Variants in SOS2 observed in about 807,000 individuals in gnomAD.
SOS2 encodes the protein SOS Ras/Rho guanine nucleotide exchange factor 2, also known as son of sevenless homolog 2.
SOS2 carries 65 observed loss-of-function variants against 148.2 expected under a neutral mutation model. That is an observed-to-expected ratio of 0.44 (90% CI 0.36 to 0.54). The LOEUF is 0.54. Ranked by LOEUF, SOS2 falls within the 20% of genes least tolerant of loss-of-function variation. SOS2 has a pLI of 0.00. For missense variants in SOS2, 1,341 were observed against 1,590.2 expected, an observed-to-expected ratio of 0.84 and a Z score of 2.67; for synonymous variants, 539 against 537.1, an observed-to-expected ratio of 1.00 and a Z score of -0.05.
chr14:50,186,307 G>A (rs1324969123), intron 5 of SOS2, among the ~76,000 whole-genome samples: 1 of 152,064 alleles, frequency 6.6e-6, no homozygotes, highest in Non-Finnish European at 1.5e-5. Context: ...AGTGAAAAGA[G>A]ACCCATAAAA....
intron 1 of SOS2, among the ~76,000 whole-genome samples, chr14:50,219,260 G>A (rs905759158): frequency 2.0e-5 from 3 of 152,012 alleles, no homozygotes; most frequent in Admixed American, 6.6e-5. Flanking sequence ...GAATAGCCAA[G>A]ATCTGAAAAA....
intron 12 of SOS2, among the ~76,000 whole-genome samples, chr14:50,153,431 C>T (rs2139605483): frequency 6.6e-6 from 1 of 152,154 alleles, no homozygotes. Context: ...CTGTGCTTCC[C>T]ATTTATGTTA....
At chr14:50,204,640 C>T (rs374308321) in intron 1 of SOS2, among the ~76,000 whole-genome samples, 2 of 152,146 alleles carry the variant, frequency 1.3e-5, no homozygotes, top group East Asian at 3.8e-4. Context: ...AGCCATTGAA[C>T]CCTCTCTTCC....
intron 7 of SOS2, among the ~76,000 whole-genome samples, chr14:50,179,858 C>T (rs1303638628): frequency 6.6e-6 from 1 of 152,074 alleles, no homozygotes; most frequent in Non-Finnish European, 1.5e-5. Context: ...TATTTATCTC[C>T]TTTAAATTGT....
intron 14 of SOS2, among the ~76,000 whole-genome samples, chr14:50,146,931 G>A (rs745951526): frequency 3.9e-5 from 6 of 152,052 alleles, no homozygotes; most frequent in Admixed American, 2.0e-4. Flanking sequence ...GCAGTGGTGC[G>A]CACCTATAAT....
intron 8 of SOS2, among the ~76,000 whole-genome samples, chr14:50,164,792 C>G (rs952812767): frequency 6.6e-5 from 10 of 152,184 alleles, no homozygotes; most frequent in Non-Finnish European, 1.3e-4. Context: ...GAAATGCTTC[C>G]TCTTGAAGAT....
chr14:50,156,862 T>TA (rs1477291521), intron 12 of SOS2, 137 bp downstream of exon 12: 2 of 453,078 alleles, frequency 4.4e-6, no homozygotes, highest in Non-Finnish European at 7.5e-6. Context: ...GCTGTGAAGT[T>TA]AAAAATATTC....
At chr14:50,211,756 C>A (rs1050870378) in intron 1 of SOS2, among the ~76,000 whole-genome samples, 2 of 152,030 alleles carry the variant, frequency 1.3e-5, no homozygotes, top group Non-Finnish European at 2.9e-5. Flanking sequence ...CCATGCCCAG[C>A]CTAGGAGGGA....
chr14:50,209,202 T>C (rs1431215653), intron 1 of SOS2, among the ~76,000 whole-genome samples: 1 of 151,908 alleles, frequency 6.6e-6, no homozygotes, highest in Non-Finnish European at 1.5e-5. Context: ...CTTTTCTGGG[T>C]CTGCAGCTTG....
chr14:50,134,678 C>CTAATTAATTAGAGATAAATTAGATTAA (rs1884015257), intron 18 of SOS2, among the ~76,000 whole-genome samples: 1 of 152,132 alleles, frequency 6.6e-6, no homozygotes, highest in Non-Finnish European at 1.5e-5. Flanking sequence ...AGATTAAGGT[C>CTAATTAATTAGAGATAAATTAGATTAA]TGTTAATCCA....
intron 10 of SOS2, among the ~76,000 whole-genome samples, chr14:50,159,083 G>A (rs1329725962): frequency 9.9e-5 from 15 of 151,902 alleles, no homozygotes; most frequent in Admixed American, 5.2e-4. Context: ...CCAGCTACTC[G>A]GGAGGCTGAG....
chr14:50,196,878 TTTTG>T (rs1886327589), intron 4 of SOS2, among the ~76,000 whole-genome samples: 1 of 152,150 alleles, frequency 6.6e-6, no homozygotes, highest in African/African-American at 2.4e-5. Flanking sequence ...CGGAACTTTT[TTTTG>T]TTTGAGACAG....
At chr14:50,206,286 G>C (rs117928778) in intron 1 of SOS2, among the ~76,000 whole-genome samples, 8 of 151,964 alleles carry the variant, frequency 5.3e-5, no homozygotes, top group Non-Finnish European at 5.9e-5. Context: ...TTTTCATATG[G>C]AATATTTTTG....
At chr14:50,213,530 T>A (rs906135798) in intron 1 of SOS2, among the ~76,000 whole-genome samples, 1 of 151,916 alleles carries the variant, frequency 6.6e-6, no homozygotes, top group Non-Finnish European at 1.5e-5. Flanking sequence ...TGAAACCCCG[T>A]CTCTACTAAA....
chr14:50,221,640 G>A (rs1209187622), intron 1 of SOS2, among the ~76,000 whole-genome samples: 1 of 152,192 alleles, frequency 6.6e-6, no homozygotes, highest in East Asian at 1.9e-4. Context: ...CTCCTGAGGG[G>A]ACAGGCCCAT....
At chr14:50,213,503 C>T (rs1376057110) in intron 1 of SOS2, among the ~76,000 whole-genome samples, 1 of 151,966 alleles carries the variant, frequency 6.6e-6, no homozygotes, top group African/African-American at 2.4e-5. Flanking sequence ...AGTTCAAGAC[C>T]AGCCTGGCCT....
chr14:50,223,664 A>G (rs1295182130), intron 1 of SOS2, among the ~76,000 whole-genome samples: 1 of 151,458 alleles, frequency 6.6e-6, no homozygotes, highest in Non-Finnish European at 1.5e-5. Context: ...AAAAAGCGAG[A>G]CTCCATCTAA....
intron 13 of SOS2, 24 bp downstream of exon 13, chr14:50,153,046 C>A (rs1218458312): frequency 1.8e-6 from 2 of 1,109,418 alleles, no homozygotes; most frequent in Admixed American, 2.1e-5. Context: ...ATATAAGATT[C>A]AATCAAACCT....
At chr14:50,215,593 G>T in intron 1 of SOS2, 1 of 464,694 alleles carries the variant, frequency 2.2e-6, no homozygotes, top group Non-Finnish European at 2.8e-6. Flanking sequence ...TTTTCAAATT[G>T]CCAGAAGGCA....
Sources: allele counts gnomAD v4.1 joint callset (sites outside exome capture counted in the v4.1 genomes callset), GRCh38; gene constraint gnomAD v4.1.1; transcripts MANE v1.5; gene names NCBI Gene and HGNC (gene_info 2026-07-23, HGNC 2026-07-21).